The following DCC variants were observed in gnomAD, a reference collection of about 807,000 sequenced individuals.
The protein encoded by DCC is netrin receptor DCC.
A neutral mutation model predicts 172.5 loss-of-function variants in DCC; 58 were observed. That is an observed-to-expected ratio of 0.34 (90% confidence interval 0.27 to 0.42). The LOEUF is 0.42. DCC is among the 10% of genes least tolerant of loss of function. The pLI is 1.00. For missense variants in DCC, 1,740 were observed against 1,791.0 expected (o/e 0.97, Z 0.51); for synonymous variants, 709 against 644.5 (o/e 1.10, Z -1.52).
chr18:53,024,805 G>T (rs1221912971), intron 5 of DCC, among the ~76,000 whole-genome samples: 1 of 152,130 alleles, frequency 6.6e-6, no homozygotes, highest in Non-Finnish European at 1.5e-5. Context: ...TGTAGTTGTT[G>T]TTTCTTAATA....
At chr18:53,460,333 A>C (rs983645902) in intron 24 of DCC, among the ~76,000 whole-genome samples, 6 of 125,194 alleles carry the variant, frequency 4.8e-5, no homozygotes, top group African/African-American at 1.8e-4. Flanking sequence ...CACAATGTGC[A>C]GGTTAGATAT....
chr18:53,170,742 T>G (rs2055001541), intron 8 of DCC, among the ~76,000 whole-genome samples: 1 of 152,210 alleles, frequency 6.6e-6, no homozygotes, highest in Non-Finnish European at 1.5e-5. Flanking sequence ...TACAAAATTT[T>G]TATAGCACAT....
intron 1 of DCC, among the ~76,000 whole-genome samples, chr18:52,504,367 G>T (rs1442325147): frequency 6.6e-6 from 1 of 152,138 alleles, no homozygotes; most frequent in Non-Finnish European, 1.5e-5. Context: ...GAACATACTG[G>T]TAACTAGTGA....
chr18:53,339,362 G>A (rs1599039138), intron 14 of DCC, among the ~76,000 whole-genome samples: 1 of 152,014 alleles, frequency 6.6e-6, no homozygotes, highest in East Asian at 1.9e-4. Flanking sequence ...TTATTTTCCA[G>A]TCTATTATTC....
intron 2 of DCC, among the ~76,000 whole-genome samples, chr18:52,778,704 T>C (rs2037478814): frequency 6.6e-6 from 1 of 152,186 alleles, no homozygotes; most frequent in Admixed American, 6.5e-5. Context: ...CATTAAAGTC[T>C]TTAGTAGTTT....
At chr18:53,072,630 T>C (rs1411191272) in intron 7 of DCC, among the ~76,000 whole-genome samples, 3 of 152,188 alleles carry the variant, frequency 2.0e-5, no homozygotes, top group African/African-American at 7.2e-5. Context: ...AAAGTTGCCA[T>C]GGGAAGAAAT....
intron 1 of DCC, among the ~76,000 whole-genome samples, chr18:52,363,159 G>C (rs892328360): frequency 6.6e-6 from 1 of 152,138 alleles, no homozygotes; most frequent in Non-Finnish European, 1.5e-5. Flanking sequence ...TTACAGACCT[G>C]AGCCACTGCA....
intron 12 of DCC, among the ~76,000 whole-genome samples, chr18:53,278,532 T>C: frequency 6.6e-6 from 1 of 152,150 alleles, no homozygotes; most frequent in East Asian, 1.9e-4. Context: ...ACAGGATCTC[T>C]GTCTTGTAGG....
intron 5 of DCC, among the ~76,000 whole-genome samples, chr18:53,049,463 A>G (rs1218292167): frequency 1.3e-5 from 2 of 151,724 alleles, no homozygotes; most frequent in East Asian, 1.9e-4. Context: ...TTTGCTTGTC[A>G]TGTTGTTTTG....
In DCC at chr18:53,200,484, C is replaced by T. The variant is rs530152759; in HGVS notation, c.1574-4732C>T. 2.0e-5 allele frequency among the ~76,000 whole-genome samples: 3 copies of T among 152,124 alleles called. 1 individual carries two copies. In the South Asian group the frequency reaches 6.2e-4, roughly 32 times the overall value. On this transcript the variant is annotated intron_variant, in intron 9 of 28. Transcript: ENST00000442544. ...TTCTATGTAGCAACATTGTGCATAT[C>T]CTTGTGGAAAAGACAGTTGCTGCAA... is the stretch of plus-strand genomic sequence containing the variant.
At chr18:52,669,079 G>T (rs1440546471) in intron 1 of DCC, among the ~76,000 whole-genome samples, 1 of 152,164 alleles carries the variant, frequency 6.6e-6, no homozygotes, top group Non-Finnish European at 1.5e-5. Flanking sequence ...AGGATGACTT[G>T]GTGGGCAGGG....
chr18:53,428,991 TA>T (rs1361521046), intron 21 of DCC, among the ~76,000 whole-genome samples: 1 of 87,500 alleles, frequency 1.1e-5, no homozygotes, highest in Non-Finnish European at 2.1e-5. Flanking sequence ...ATATTTTATA[TA>T]TTTTTTATAT....
intron 7 of DCC, among the ~76,000 whole-genome samples, chr18:53,081,631 G>A (rs1425572465): frequency 6.6e-6 from 1 of 151,928 alleles, no homozygotes; most frequent in African/African-American, 2.4e-5. Flanking sequence ...AGCTTGAACT[G>A]TACACAGCTA....
intron 7 of DCC, among the ~76,000 whole-genome samples, chr18:53,081,417 C>T (rs1012810804): frequency 6.6e-6 from 1 of 151,628 alleles, no homozygotes; most frequent in Non-Finnish European, 1.5e-5. Context: ...ATCCACAAAT[C>T]AAAAACCAAA....
At chr18:52,988,154 GAAT>G (rs371219927) in intron 5 of DCC, among the ~76,000 whole-genome samples, 2 of 152,236 alleles carry the variant, frequency 1.3e-5, no homozygotes, top group African/African-American at 4.8e-5. Flanking sequence ...CAAGGAATTA[GAAT>G]CTGAATATTG....
At chr18:52,775,858 C>T (rs1191250398) in intron 2 of DCC, among the ~76,000 whole-genome samples, 1 of 152,232 alleles carries the variant, frequency 6.6e-6, no homozygotes, top group Non-Finnish European at 1.5e-5. Context: ...TGCTCATGCT[C>T]ACCTAGGTCC....
chr18:52,628,980 G>C (rs1423272884), intron 1 of DCC, among the ~76,000 whole-genome samples: 1 of 152,104 alleles, frequency 6.6e-6, no homozygotes, highest in African/African-American at 2.4e-5. Context: ...TACACTCTCT[G>C]AAGCCATTTT....
Position 52,906,189 on chromosome 18 carries a change from C to T in DCC, c.558C>T (p.Asp186=). 1 of 1,614,108 alleles carries T rather than the reference C, an allele frequency of 6.2e-7. No homozygotes were observed. The highest frequency in any genetic ancestry group is 8.5e-7 in the Non-Finnish European group (1 of 1,180,030). ...AAGACCTGACTCCAATCCCAGGTGA[C>T]TCCCGAGTGGTGGTCTTGCCCTCTG... is the stretch of plus-strand genomic sequence containing the variant. ...NQQDLTPIPG[D]SRVVVLPSGA... Residue 186 remains aspartate (D), a synonymous_variant, in exon 3 of 29, where the codon GAC becomes GAT. Transcript: ENST00000442544.
At chr18:53,001,544 C>T (rs1568237476) in intron 5 of DCC, among the ~76,000 whole-genome samples, 1 of 152,086 alleles carries the variant, frequency 6.6e-6, no homozygotes, top group African/African-American at 2.4e-5. Flanking sequence ...GAAAATAAAA[C>T]GTTTTCTCTT....
Sources: gnomAD v4.1 joint callset for allele counts (sites outside exome capture counted in the v4.1 genomes callset) on GRCh38, gnomAD v4.1.1 for gene constraint, MANE v1.5 for transcripts, NCBI Gene and HGNC (gene_info 2026-07-23, HGNC 2026-07-21) for gene names.